Variants in PFKP observed in about 807,000 individuals in gnomAD.
The protein encoded by PFKP is phosphofructokinase, platelet.
In PFKP, 101 loss-of-function variants were observed where a neutral mutation model predicts 94.3. That is an observed-to-expected ratio of 1.07 (90% CI 0.91 to 1.26). PFKP has a LOEUF of 1.26. Among genes scored for constraint, PFKP ranks in the 50% most tolerant of loss-of-function variants. The pLI is 0.00. For synonymous variants in PFKP, 573 were observed against 432.6 expected, an observed-to-expected ratio of 1.32 and a Z score of -4.03; for missense variants, 1,145 against 1,103.3, an observed-to-expected ratio of 1.04 and a Z score of -0.53.
chr10:3,111,598 T>G (rs1261825855), intron 10 of PFKP, among the ~76,000 whole-genome samples: 3 of 152,098 alleles, frequency 2.0e-5, no homozygotes, highest in Non-Finnish European at 4.4e-5. Flanking sequence ...CTGACATGCT[T>G]GAATAACCTT....
intron 2 of PFKP, among the ~76,000 whole-genome samples, chr10:3,084,607 A>G (rs1833340776): frequency 6.6e-6 from 1 of 151,862 alleles, no homozygotes; most frequent in Non-Finnish European, 1.5e-5. Context: ...TGCCCTCCTG[A>G]GTTTCCCTGC....
intron 1 of PFKP, among the ~76,000 whole-genome samples, chr10:3,067,998 A>G (rs1831863472): frequency 6.6e-6 from 1 of 152,126 alleles, no homozygotes; most frequent in Non-Finnish European, 1.5e-5. Flanking sequence ...ACATGGCGGT[A>G]GGAACCTCCA....
intron 2 of PFKP, among the ~76,000 whole-genome samples, chr10:3,093,139 C>G (rs1036855371): frequency 4.6e-5 from 7 of 151,160 alleles, no homozygotes; most frequent in African/African-American, 1.7e-4. Flanking sequence ...AACTAGTTGG[C>G]AAGACAAAGA....
chr10:3,119,375 G>A (rs1350545278), intron 15 of PFKP, among the ~76,000 whole-genome samples: 1 of 152,188 alleles, frequency 6.6e-6, no homozygotes, highest in Non-Finnish European at 1.5e-5. Flanking sequence ...GGAGGCCGAG[G>A]CGGGCAGATC....
chr10:3,135,647 A>T (rs559254741), intron 20 of PFKP, 89 bp from the exon 21 acceptor site: 9 of 762,634 alleles, frequency 1.2e-5, no homozygotes, highest in Non-Finnish European at 2.0e-5. Flanking sequence ...GTTCTGAGGA[A>T]TCTCAGTTCT....
chr10:3,086,216 G>C (rs1243398190), intron 2 of PFKP, among the ~76,000 whole-genome samples: 1 of 152,200 alleles, frequency 6.6e-6, no homozygotes, highest in Non-Finnish European at 1.5e-5. Flanking sequence ...GGCTGCTCCT[G>C]TTCCCGCGGC....
At chr10:3,134,028 G>A (rs1294601897) in intron 19 of PFKP, among the ~76,000 whole-genome samples, 3 of 152,110 alleles carry the variant, frequency 2.0e-5, no homozygotes, top group African/African-American at 7.2e-5. Context: ...GGGACACAGG[G>A]TCCAGGCCTC....
chr10:3,134,437 G>T (rs547874210), intron 19 of PFKP, 46 bp from the exon 20 acceptor site: 3 of 1,078,410 alleles, frequency 2.8e-6, no homozygotes, highest in Non-Finnish European at 2.8e-6. Flanking sequence ...TAACAGCAAA[G>T]TGTTACTGTA....
At chr10:3,113,310 G>A in intron 12 of PFKP, 62 bp from the exon 13 acceptor site, 1 of 1,579,060 alleles carries the variant, frequency 6.3e-7, no homozygotes, top group African/African-American at 1.3e-5. Context: ...CTGCCAAAGT[G>A]TGCAGCAAAT....
intron 5 of PFKP, among the ~76,000 whole-genome samples, chr10:3,104,535 C>T (rs1835351690): frequency 1.3e-5 from 2 of 152,372 alleles, no homozygotes; most frequent in South Asian, 2.1e-4. Flanking sequence ...TGGCGCCTCC[C>T]AGTCCTCTGT....
intron 8 of PFKP, chr10:3,107,795 G>A: frequency 1.7e-6 from 2 of 1,200,242 alleles, no homozygotes; most frequent in Non-Finnish European, 2.1e-6. Flanking sequence ...ACAGGCTTTG[G>A]CAGGCTTTGG....
In PFKP at chr10:3,121,803, C is replaced by CTTTTCTTTCTTTTTTTTTTTTTTTTTTTT. The variant is rs1564339123; in HGVS notation, c.1683+1763_1683+1764insCTTTCTTTTTTTTTTTTTTTTTTTTTTTT. 6.1e-5 allele frequency among the ~76,000 whole-genome samples: 2 copies of CTTTTCTTTCTTTTTTTTTTTTTTTTTTTT among 32,624 alleles called. 1 individual carries two copies. Among genetic ancestry groups the CTTTTCTTTCTTTTTTTTTTTTTTTTTTTT allele is most frequent in the African/African-American group, 2.1e-4 (2 of 9,456 alleles). The allele number at this position is 32,624 out of a possible 152,430, so 21.4% of individuals were successfully genotyped here. A position where few individuals can be genotyped will look rare whatever the true frequency, so the allele number is the denominator to read the frequency against. ...TAGGTTAAACAATTTCTTTTTTTTT[C>CTTTTCTTTCTTTTTTTTTTTTTTTTTTTT]TTTTTTTTTTTTTTTTTTTTTTTTT... On this transcript the variant is annotated intron_variant, in intron 16 of 21. Transcript: ENST00000381125.
intron 19 of PFKP, 107 bp downstream of exon 19, chr10:3,133,421 A>G (rs1838838273): frequency 2.6e-6 from 2 of 773,828 alleles, no homozygotes; most frequent in Non-Finnish European, 4.5e-6. Context: ...AGTAAATTCC[A>G]AGATGATAAA....
chr10:3,076,305 T>C (rs948939900), intron 1 of PFKP, among the ~76,000 whole-genome samples: 6 of 152,036 alleles, frequency 3.9e-5, no homozygotes, highest in African/African-American at 1.4e-4. Context: ...TTGCGAAGGC[T>C]CTGAGGGATG....
At chr10:3,105,028 C>G (rs1835396602) in intron 5 of PFKP, 87 bp from the exon 6 acceptor site, 2 of 1,275,440 alleles carry the variant, frequency 1.6e-6, no homozygotes, top group Non-Finnish European at 2.3e-6. Flanking sequence ...TCTCTGCTTT[C>G]TGAGCTGTTT....
At chr10:3,134,659 G>A (rs1179807678) in intron 20 of PFKP, 77 bp downstream of exon 20, 24 of 881,260 alleles carry the variant, frequency 2.7e-5, no homozygotes, top group Middle Eastern at 6.2e-4. Flanking sequence ...GTCCTATCGG[G>A]GAGAAGTAGG....
chr10:3,129,805 T>G lies in PFKP; in HGVS notation c.1684-14T>G, dbSNP rs769727920. 1 of 1,612,992 alleles carries G rather than the reference T, an allele frequency of 6.2e-7. No homozygotes were observed. The highest frequency in any genetic ancestry group is 8.5e-7 in the Non-Finnish European group (1 of 1,179,812). On this transcript the variant is annotated splice_polypyrimidine_tract_variant and intron_variant, in intron 16 of 21. Transcript: ENST00000381125. Reference sequence around the variant, plus strand: ...GGCCTGGGCTGGAGTGACTGATCGCTTCTCTGTGACCAGACCTGCGACCGC... The same window carrying G: ...GGCCTGGGCTGGAGTGACTGATCGCGTCTCTGTGACCAGACCTGCGACCGC...
chr10:3,134,645 T>C, intron 20 of PFKP, 63 bp downstream of exon 20: 1 of 1,060,412 alleles, frequency 9.4e-7, no homozygotes, highest in South Asian at 1.3e-5. Flanking sequence ...TTGGTGAAAA[T>C]GCTGTCCTAT....
chr10:3,091,263 C>T (rs1834019631), intron 2 of PFKP, among the ~76,000 whole-genome samples: 1 of 152,098 alleles, frequency 6.6e-6, no homozygotes, highest in Non-Finnish European at 1.5e-5. Flanking sequence ...ATGGCTTTAG[C>T]TTCTTGGAGA....
Sources: gnomAD v4.1 joint callset for allele counts (sites outside exome capture counted in the v4.1 genomes callset) on GRCh38, gnomAD v4.1.1 for gene constraint, MANE v1.5 for transcripts, NCBI Gene and HGNC (gene_info 2026-07-23, HGNC 2026-07-21) for gene names.